Variants in ANKS1B observed in about 807,000 individuals in gnomAD.
ANKS1B encodes the protein ankyrin repeat and sterile alpha motif domain-containing protein 1B.
ANKS1B carries 36 observed loss-of-function variants against 148.3 expected under a neutral mutation model. The ratio of observed to expected loss-of-function variants is 0.24; its 90% confidence interval spans 0.19 to 0.32. ANKS1B has a LOEUF of 0.32. Among genes scored for constraint, ANKS1B ranks in the 10% least tolerant of loss-of-function variants. The pLI, the probability that ANKS1B is intolerant of heterozygous loss-of-function variation, is 1.00. For synonymous variants in ANKS1B, 542 were observed against 560.8 expected, an observed-to-expected ratio of 0.97 and a Z score of 0.47; for missense variants, 1,157 against 1,542.6, an observed-to-expected ratio of 0.75 and a Z score of 4.19.
At chr12:99,093,220 T>A (rs989878524) in intron 15 of ANKS1B, 1 of 152,232 alleles carries the variant, frequency 6.6e-6, no homozygotes, top group Admixed American at 6.5e-5. Context: ...CATAAATTAT[T>A]TATCTTCTGA....
At chr12:98,758,918 TTATAGGCGTGCA>T (rs2098332051) in intron 25 of ANKS1B, among the ~76,000 whole-genome samples, 1 of 151,164 alleles carries the variant, frequency 6.6e-6, no homozygotes, top group Non-Finnish European at 1.5e-5. Flanking sequence ...GTGGCTGGGA[TTATAGGCGTGCA>T]CGCCTGGCTA....
intron 1 of ANKS1B, among the ~76,000 whole-genome samples, chr12:99,898,023 T>C (rs2093448224): frequency 2.0e-5 from 3 of 152,116 alleles, no homozygotes; most frequent in Admixed American, 6.6e-5. Context: ...ATTTTTTCAG[T>C]GTACATGTGC....
intron 9 of ANKS1B, among the ~76,000 whole-genome samples, chr12:99,546,986 T>G (rs1268964627): frequency 6.6e-6 from 1 of 151,762 alleles, no homozygotes; most frequent in Admixed American, 6.6e-5. Context: ...AGAGGATGAG[T>G]GTCTGGATTA....
intron 8 of ANKS1B, among the ~76,000 whole-genome samples, chr12:99,710,902 T>G (rs1485519111): frequency 6.6e-6 from 1 of 152,108 alleles, no homozygotes; most frequent in East Asian, 1.9e-4. Context: ...CCCTCAACTC[T>G]TTCCATTATA....
rs2099394106 is a variant in ANKS1B, at chr12:98,839,500, C to T, written c.2779-7364G>A. 4.6e-5 allele frequency among the ~76,000 whole-genome samples: 7 copies of T among 152,252 alleles called. No individual in the cohort carries two copies. The South Asian group carries it at 1.0e-3, about 23-fold the overall frequency. On this transcript the variant is annotated intron_variant, in intron 17 of 26. Transcript: ENST00000683438. ...GGAATGAATGAGAATGACTAGGAAG[C>T]TTATCTGGAAATTATAAAGCACAGA...
At chr12:99,825,503 C>T in intron 1 of ANKS1B, 114 bp from the exon 2 acceptor site, 1 of 716,778 alleles carries the variant, frequency 1.4e-6, no homozygotes, top group East Asian at 2.8e-5. Flanking sequence ...AAAATTTTAG[C>T]CATGTGGAAA....
chr12:98,960,043 G>A (rs1157205801), intron 17 of ANKS1B, among the ~76,000 whole-genome samples: 1 of 152,160 alleles, frequency 6.6e-6, no homozygotes, highest in East Asian at 1.9e-4. Flanking sequence ...ACCCACCCAG[G>A]GTTTGGGGAA....
chr12:99,034,456 T>C (rs1466336363), intron 17 of ANKS1B, among the ~76,000 whole-genome samples: 1 of 152,108 alleles, frequency 6.6e-6, no homozygotes, highest in African/African-American at 2.4e-5. Flanking sequence ...GCTGGGACCA[T>C]AGGCGTGTGC....
At chr12:99,223,017 T>C (rs2085354702) in intron 14 of ANKS1B, among the ~76,000 whole-genome samples, 1 of 152,252 alleles carries the variant, frequency 6.6e-6, no homozygotes, top group African/African-American at 2.4e-5. Context: ...CACATGTATA[T>C]GTGTAAGGTA....
chr12:99,725,522 C>A (rs1436150433), intron 8 of ANKS1B, among the ~76,000 whole-genome samples: 4 of 152,168 alleles, frequency 2.6e-5, no homozygotes, highest in Non-Finnish European at 5.9e-5. Flanking sequence ...TAGAGACCTA[C>A]AAAGAGACTT....
intron 9 of ANKS1B, chr12:99,648,246 C>T: frequency 1.2e-6 from 2 of 1,614,214 alleles, no homozygotes; most frequent in Non-Finnish European, 1.7e-6. Context: ...TTAACACCTC[C>T]ATGGGGAAGC....
chr12:99,121,399 T>G (rs1156453641), intron 15 of ANKS1B, among the ~76,000 whole-genome samples: 1 of 150,328 alleles, frequency 6.7e-6, no homozygotes, highest in Non-Finnish European at 1.5e-5. Flanking sequence ...GGTATCAACA[T>G]TTCTTATCAA....
chr12:99,427,262 T>A (rs756708907), intron 11 of ANKS1B, among the ~76,000 whole-genome samples: 2 of 152,206 alleles, frequency 1.3e-5, no homozygotes, highest in Non-Finnish European at 2.9e-5. Context: ...TCTACACTTC[T>A]TACCATGACC....
At chr12:99,982,048 T>G (rs1275071460) in intron 1 of ANKS1B, among the ~76,000 whole-genome samples, 1 of 152,182 alleles carries the variant, frequency 6.6e-6, no homozygotes, top group Non-Finnish European at 1.5e-5. Context: ...ACTCTCATTT[T>G]CTTCAGACAC....
chr12:99,671,322 G>A (rs904182291), intron 8 of ANKS1B, among the ~76,000 whole-genome samples: 10 of 152,012 alleles, frequency 6.6e-5, no homozygotes, highest in East Asian at 1.9e-4. Context: ...TGATGTTTAC[G>A]TAAATATGTA....
chr12:99,193,648 A>G (rs2081018833), intron 14 of ANKS1B, among the ~76,000 whole-genome samples: 1 of 151,830 alleles, frequency 6.6e-6, no homozygotes, highest in Non-Finnish European at 1.5e-5. Flanking sequence ...GGTGAGGAAA[A>G]GATACTTCTT....
At chr12:99,696,760 T>C (rs2053986897) in intron 8 of ANKS1B, among the ~76,000 whole-genome samples, 1 of 152,170 alleles carries the variant, frequency 6.6e-6, no homozygotes, top group Non-Finnish European at 1.5e-5. Flanking sequence ...AATTCTGCTC[T>C]GTGAAAGATA....
intron 10 of ANKS1B, among the ~76,000 whole-genome samples, chr12:99,475,750 T>C (rs1178258001): frequency 6.6e-6 from 1 of 151,862 alleles, no homozygotes; most frequent in Non-Finnish European, 1.5e-5. Flanking sequence ...GAAAAGATTA[T>C]ACAGCTACTG....
chr12:98,837,515 T>G (rs1418817782), intron 17 of ANKS1B, among the ~76,000 whole-genome samples: 1 of 152,082 alleles, frequency 6.6e-6, no homozygotes, highest in Non-Finnish European at 1.5e-5. Flanking sequence ...CTCCAGGAAT[T>G]TTCTCCAGTA....
Sources: gnomAD v4.1 joint callset for allele counts (sites outside exome capture counted in the v4.1 genomes callset) on GRCh38, gnomAD v4.1.1 for gene constraint, MANE v1.5 for transcripts, NCBI Gene and HGNC (gene_info 2026-07-23, HGNC 2026-07-21) for gene names.